The following CCDC91 variants were observed in gnomAD, a reference collection of about 807,000 sequenced individuals.
The protein encoded by CCDC91 is coiled-coil domain-containing protein 91.
Under a neutral mutation model 63.2 loss-of-function variants are expected in CCDC91, and 48 were observed. The observed-to-expected ratio is 0.76, with a 90% CI of 0.60 to 0.97. CCDC91 has a LOEUF of 0.97. Ranked by LOEUF, CCDC91 falls within the 50% of genes least tolerant of loss-of-function variation. CCDC91 has a pLI of 0.00. For missense variants in CCDC91, 500 were observed against 494.6 expected, an observed-to-expected ratio of 1.01 and a Z score of -0.10; for synonymous variants, 167 against 165.8, an observed-to-expected ratio of 1.01 and a Z score of -0.06.
At chr12:28,359,849 G>A (rs781211052) in intron 6 of CCDC91, among the ~76,000 whole-genome samples, 12 of 152,146 alleles carry the variant, frequency 7.9e-5, no homozygotes, top group Non-Finnish European at 1.3e-4. Flanking sequence ...ATGGGTTGGT[G>A]CTTTTGCCTT....
At chr12:28,455,139 G>T (rs577974130) in intron 11 of CCDC91, among the ~76,000 whole-genome samples, 73 of 126,742 alleles carry the variant, frequency 5.8e-4, no homozygotes, top group East Asian at 1.0e-3. Context: ...AAATAGGCAT[G>T]TAGAAAACAT....
chr12:28,536,775 C>G (rs1393502135), intron 12 of CCDC91, among the ~76,000 whole-genome samples: 1 of 152,082 alleles, frequency 6.6e-6, no homozygotes, highest in East Asian at 1.9e-4. Flanking sequence ...TGATTTTGAT[C>G]AGAATGTCTT....
chr12:28,507,083 G>T (rs145874404), intron 12 of CCDC91, among the ~76,000 whole-genome samples: 3 of 151,914 alleles, frequency 2.0e-5, no homozygotes, highest in African/African-American at 7.2e-5. Flanking sequence ...TCTTAGTGAA[G>T]CACAGTCTTG....
intron 7 of CCDC91, among the ~76,000 whole-genome samples, chr12:28,388,252 T>A (rs1285616857): frequency 6.6e-6 from 1 of 152,116 alleles, no homozygotes; most frequent in Non-Finnish European, 1.5e-5. Context: ...CTGTTGTAAG[T>A]CCTAGCCAGA....
chr12:28,504,065 C>A (rs1938378615), intron 12 of CCDC91, among the ~76,000 whole-genome samples: 1 of 151,372 alleles, frequency 6.6e-6, no homozygotes, highest in Non-Finnish European at 1.5e-5. Context: ...TGCACATGTA[C>A]CCTAAAACTT....
chr12:28,237,144 T>G (rs1478766470), intron 1 of CCDC91, among the ~76,000 whole-genome samples: 1 of 151,848 alleles, frequency 6.6e-6, no homozygotes, highest in Non-Finnish European at 1.5e-5. Flanking sequence ...TCTTTGATTT[T>G]CATGCAACTC....
intron 3 of CCDC91, among the ~76,000 whole-genome samples, chr12:28,280,228 T>C (rs1446122198): frequency 6.6e-6 from 1 of 152,186 alleles, no homozygotes; most frequent in Non-Finnish European, 1.5e-5. Flanking sequence ...AGTAGAACTT[T>C]TTAATAATCT....
intron 8 of CCDC91, among the ~76,000 whole-genome samples, chr12:28,425,242 C>T (rs1948243310): frequency 2.0e-5 from 3 of 152,082 alleles, no homozygotes; most frequent in Non-Finnish European, 2.9e-5. Context: ...AGCCCAGGCA[C>T]CTTTTCCCCT....
At chr12:28,314,284 C>T (rs573454740) in intron 6 of CCDC91, among the ~76,000 whole-genome samples, 3 of 151,962 alleles carry the variant, frequency 2.0e-5, no homozygotes, top group Non-Finnish European at 2.9e-5. Context: ...CTACTACTTA[C>T]ATTCTGTTGC....
At chr12:28,377,593 A>T (rs1275994245) in intron 7 of CCDC91, among the ~76,000 whole-genome samples, 2 of 151,820 alleles carry the variant, frequency 1.3e-5, no homozygotes, top group East Asian at 3.9e-4. Flanking sequence ...TTAGTTACTT[A>T]TTATTACATT....
At chr12:28,250,211 A>G (rs1301537608) in intron 1 of CCDC91, among the ~76,000 whole-genome samples, 3 of 152,160 alleles carry the variant, frequency 2.0e-5, no homozygotes, top group Admixed American at 1.3e-4. Context: ...TGGGATGTGT[A>G]AGTTTTCTGA....
chr12:28,373,998 C>A (rs1322703456), intron 7 of CCDC91, among the ~76,000 whole-genome samples: 2 of 152,146 alleles, frequency 1.3e-5, no homozygotes, highest in African/African-American at 4.8e-5. Context: ...CTATGCAGAA[C>A]TGTGAATCAA....
chr12:28,331,078 A>T (rs965137212), intron 6 of CCDC91, among the ~76,000 whole-genome samples: 1 of 152,212 alleles, frequency 6.6e-6, no homozygotes, highest in Non-Finnish European at 1.5e-5. Context: ...ATCTAAGACA[A>T]AGGCATCTGT....
intron 8 of CCDC91, among the ~76,000 whole-genome samples, chr12:28,393,931 A>C (rs2139349304): frequency 6.6e-6 from 1 of 152,348 alleles, no homozygotes; most frequent in South Asian, 2.1e-4. Flanking sequence ...ACACACCAGA[A>C]ATGACAAATT....
intron 1 of CCDC91, among the ~76,000 whole-genome samples, chr12:28,230,508 G>A (rs749925125): frequency 4.6e-5 from 7 of 152,196 alleles, no homozygotes; most frequent in Non-Finnish European, 1.0e-4. Flanking sequence ...ATTTCTTGAA[G>A]TCACTGGAAA....
At chr12:28,380,368 T>C (rs1020901122) in intron 7 of CCDC91, among the ~76,000 whole-genome samples, 17 of 152,020 alleles carry the variant, frequency 1.1e-4, no homozygotes, top group Middle Eastern at 3.2e-3. Flanking sequence ...GTTTCAGACA[T>C]GTAAGAACTC....
intron 12 of CCDC91, among the ~76,000 whole-genome samples, chr12:28,535,724 A>C (rs1419670234): frequency 6.6e-6 from 1 of 152,140 alleles, no homozygotes; most frequent in Non-Finnish European, 1.5e-5. Flanking sequence ...CTTTGTTCTC[A>C]CCTATAAAAC....
intron 12 of CCDC91, among the ~76,000 whole-genome samples, chr12:28,538,430 A>C (rs1942362329): frequency 6.6e-6 from 1 of 152,066 alleles, no homozygotes; most frequent in Non-Finnish European, 1.5e-5. Flanking sequence ...TACAAAGGAC[A>C]TGAACTCATC....
chr12:28,407,326 A>G (rs1214966221), intron 8 of CCDC91, among the ~76,000 whole-genome samples: 1 of 152,186 alleles, frequency 6.6e-6, no homozygotes, highest in African/African-American at 2.4e-5. Flanking sequence ...GTCAAAAATC[A>G]ATCGACCATA....
Sources: allele counts gnomAD v4.1 joint callset (sites outside exome capture counted in the v4.1 genomes callset), GRCh38; gene constraint gnomAD v4.1.1; transcripts MANE v1.5; gene names NCBI Gene and HGNC (gene_info 2026-07-23, HGNC 2026-07-21).